The following RGS5 variants were observed in gnomAD, a reference collection of about 807,000 sequenced individuals.
RGS5 encodes regulator of G-protein signalling 5.
In RGS5, 20 loss-of-function variants were observed where a neutral mutation model predicts 18.9. The observed-to-expected ratio is 1.06, with a 90% CI of 0.74 to 1.54. The LOEUF (loss-of-function observed/expected upper bound fraction) is 1.54. Among genes scored for constraint, RGS5 ranks in the 40% most tolerant of loss-of-function variants. The pLI, the probability that RGS5 is intolerant of heterozygous loss-of-function variation, is 0.00. For synonymous variants in RGS5, 57 were observed against 76.2 expected, an observed-to-expected ratio of 0.75 and a Z score of 1.31; for missense variants, 201 against 211.8, an observed-to-expected ratio of 0.95 and a Z score of 0.32.
intron 2 of RGS5, among the ~76,000 whole-genome samples, chr1:163,258,408 T>G (rs1432916374): frequency 6.6e-6 from 1 of 152,164 alleles, no homozygotes; most frequent in Non-Finnish European, 1.5e-5. Context: ...TATGTCTTTG[T>G]ACAATAACTC....
At chr1:163,306,981 T>C (rs1649717828) in intron 1 of RGS5, among the ~76,000 whole-genome samples, 2 of 152,210 alleles carry the variant, frequency 1.3e-5, no homozygotes, top group Non-Finnish European at 2.9e-5. Flanking sequence ...TGGTGATACT[T>C]GTTATGGCAG....
chr1:163,226,539 T>TGGA (rs1490576744), intron 2 of RGS5, among the ~76,000 whole-genome samples: 2 of 152,150 alleles, frequency 1.3e-5, no homozygotes, highest in African/African-American at 4.8e-5. Context: ...CCAAGACCTC[T>TGGA]GAAAAACAAA....
chr1:163,191,734 T>G (rs962762988), intron 1 of RGS5, among the ~76,000 whole-genome samples: 10 of 152,102 alleles, frequency 6.6e-5, no homozygotes, highest in Admixed American at 2.0e-4. Flanking sequence ...CCTTGGAAAT[T>G]CCTGGGTAAG....
intron 2 of RGS5, among the ~76,000 whole-genome samples, chr1:163,262,172 T>TTTTTTTTTTTTA (rs1287651931): frequency 1.4e-5 from 2 of 145,016 alleles, no homozygotes; most frequent in African/African-American, 5.2e-5. Context: ...TTTTTTTTAT[T>TTTTTTTTTTTTA]ATACTCTAAG....
At chr1:163,294,722 C>T (rs962189043) in intron 2 of RGS5, among the ~76,000 whole-genome samples, 3 of 152,150 alleles carry the variant, frequency 2.0e-5, no homozygotes, top group Non-Finnish European at 4.4e-5. Flanking sequence ...GCAAATTTTC[C>T]AAACCTTTAT....
At chr1:163,247,223 CT>C (rs762367985) in intron 2 of RGS5, among the ~76,000 whole-genome samples, 2 of 152,164 alleles carry the variant, frequency 1.3e-5, no homozygotes, top group South Asian at 4.1e-4. Flanking sequence ...CATGTTCCCC[CT>C]AAACCTAAAA....
At chr1:163,159,840 T>C (rs759617453) in intron 3 of RGS5, among the ~76,000 whole-genome samples, 4 of 152,134 alleles carry the variant, frequency 2.6e-5, no homozygotes, top group African/African-American at 4.8e-5. Context: ...TCAAAATGCA[T>C]ATATAAGTTA....
At chr1:163,235,804 C>A (rs1301952959) in intron 2 of RGS5, among the ~76,000 whole-genome samples, 1 of 152,180 alleles carries the variant, frequency 6.6e-6, no homozygotes, top group Middle Eastern at 3.2e-3. Flanking sequence ...TTTCTATTAT[C>A]TATCAGGTTA....
At chr1:163,281,936 A>C (rs945301785) in intron 2 of RGS5, among the ~76,000 whole-genome samples, 1 of 152,172 alleles carries the variant, frequency 6.6e-6, no homozygotes, top group Non-Finnish European at 1.5e-5. Flanking sequence ...TGAATTAAAG[A>C]ATTAAAGACC....
chr1:163,192,354 A>C (rs1659394261), intron 1 of RGS5, among the ~76,000 whole-genome samples: 1 of 152,156 alleles, frequency 6.6e-6, no homozygotes, highest in Non-Finnish European at 1.5e-5. Flanking sequence ...GTGCCTACAA[A>C]ATGTTGGAGA....
intron 2 of RGS5, among the ~76,000 whole-genome samples, chr1:163,243,842 GT>G (rs1412327295): frequency 6.6e-6 from 1 of 150,678 alleles, no homozygotes; most frequent in African/African-American, 2.5e-5. Context: ...ACACACATTG[GT>G]TTGGCAAAGA....
intron 1 of RGS5, among the ~76,000 whole-genome samples, chr1:163,177,182 A>C (rs780232824): frequency 6.6e-6 from 1 of 152,234 alleles, no homozygotes; most frequent in Non-Finnish European, 1.5e-5. Context: ...TTCCATAGAA[A>C]GGTTTTGAAA....
At chr1:163,224,472 T>TTCCA (rs1360770477) in intron 2 of RGS5, among the ~76,000 whole-genome samples, 3 of 152,294 alleles carry the variant, frequency 2.0e-5, no homozygotes, top group South Asian at 4.2e-4. Context: ...TTTACATAGG[T>TTCCA]TCCATATCTT....
intron 2 of RGS5, among the ~76,000 whole-genome samples, chr1:163,243,480 T>C (rs1008131246): frequency 4.6e-5 from 7 of 151,578 alleles, no homozygotes; most frequent in Non-Finnish European, 1.0e-4. Context: ...ACCCTGTCTC[T>C]ACTAAAAATA....
intron 1 of RGS5, among the ~76,000 whole-genome samples, chr1:163,185,483 G>C (rs750567475): frequency 6.6e-6 from 1 of 152,130 alleles, no homozygotes; most frequent in Non-Finnish European, 1.5e-5. Context: ...CAAGAGTCCA[G>C]TTATCCTCTC....
chr1:163,164,325 C>T (rs866543413), intron 2 of RGS5, among the ~76,000 whole-genome samples: 18 of 152,158 alleles, frequency 1.2e-4, no homozygotes, highest in Middle Eastern at 3.4e-3. Flanking sequence ...AGTTTCTGTG[C>T]GTGGGAGTGT....
At chr1:163,186,622 G>C (rs1659099264) in intron 1 of RGS5, among the ~76,000 whole-genome samples, 1 of 143,784 alleles carries the variant, frequency 7.0e-6, no homozygotes, top group Admixed American at 7.0e-5. Flanking sequence ...AAAAAGCAAA[G>C]ACAGACAAAA....
intron 2 of RGS5, chr1:163,248,423 T>A (rs1471328697): frequency 6.6e-6 from 1 of 152,176 alleles, no homozygotes; most frequent in Non-Finnish European, 1.5e-5. Flanking sequence ...TCTGTACATA[T>A]CCTCTTATAA....
intron 3 of RGS5, 44 bp from the exon 4 acceptor site, chr1:163,152,760 C>G: frequency 6.6e-7 from 1 of 1,510,658 alleles, no homozygotes; most frequent in Non-Finnish European, 8.9e-7. Context: ...TATTAATTTA[C>G]TTAACAAATA....
Sources: gnomAD v4.1 joint callset for allele counts (sites outside exome capture counted in the v4.1 genomes callset) on GRCh38, gnomAD v4.1.1 for gene constraint, MANE v1.5 for transcripts, NCBI Gene and HGNC (gene_info 2026-07-23, HGNC 2026-07-21) for gene names.